DGCR2: variants seen among roughly 807,000 people sequenced by gnomAD.
The protein encoded by DGCR2 is integral membrane protein DGCR2/IDD.
In DGCR2, 24 loss-of-function variants were observed where a neutral mutation model predicts 51.6. That is an observed-to-expected ratio of 0.47 (90% CI 0.34 to 0.65). The LOEUF (loss-of-function observed/expected upper bound fraction) is 0.65, where lower values mean the gene tolerates loss of function less well. DGCR2 is among the 30% of genes least tolerant of loss of function. The pLI, the probability that DGCR2 is intolerant of heterozygous loss-of-function variation, is 0.01. For synonymous variants in DGCR2, 340 were observed against 315.4 expected (o/e 1.08, Z -0.82); for missense variants, 765 against 772.1 (o/e 0.99, Z 0.11).
At chr22:19,067,825 GGCCAGT>G (rs1231969959) in intron 3 of DGCR2, among the ~76,000 whole-genome samples, 4 of 152,186 alleles carry the variant, frequency 2.6e-5, no homozygotes. Context: ...AATTTCCAAG[GGCCAGT>G]GCCTTCTGGC....
chr22:19,103,221 G>A (rs868576471), intron 1 of DGCR2, among the ~76,000 whole-genome samples: 4 of 151,546 alleles, frequency 2.6e-5, no homozygotes, highest in Middle Eastern at 3.2e-3. Context: ...AATTGCCAAA[G>A]GCTGTGGGCA....
At chr22:19,084,044 T>C (rs980810531) in intron 2 of DGCR2, among the ~76,000 whole-genome samples, 19 of 152,020 alleles carry the variant, frequency 1.2e-4, no homozygotes, top group Non-Finnish European at 2.5e-4. Context: ...CAGGCCGAAG[T>C]GCAGTGGCGT....
intron 1 of DGCR2, among the ~76,000 whole-genome samples, chr22:19,098,431 C>T (rs554314415): frequency 6.6e-6 from 1 of 152,270 alleles, no homozygotes; most frequent in Admixed American, 6.5e-5. Context: ...ACCCTGCTGC[C>T]GTGGAGCTAA....
chr22:19,081,479 CA>C (rs1244988542), intron 2 of DGCR2, among the ~76,000 whole-genome samples: 7 of 152,224 alleles, frequency 4.6e-5, no homozygotes, highest in Non-Finnish European at 8.8e-5. Flanking sequence ...ATAAACCTAA[CA>C]TTCACTTACT....
chr22:19,066,834 G>C (rs542445499), intron 3 of DGCR2, among the ~76,000 whole-genome samples: 1 of 152,208 alleles, frequency 6.6e-6, no homozygotes, highest in South Asian at 2.1e-4. Context: ...GACAGGCAAG[G>C]GGAAGGAAGA....
At chr22:19,120,204 C>T (rs1036211326) in intron 1 of DGCR2, among the ~76,000 whole-genome samples, 4 of 152,202 alleles carry the variant, frequency 2.6e-5, no homozygotes, top group Non-Finnish European at 4.4e-5. Context: ...GGGGTAGCTG[C>T]AATGTTCTCA....
intron 5 of DGCR2, among the ~76,000 whole-genome samples, chr22:19,062,711 T>G (rs1361480661): frequency 2.0e-5 from 3 of 151,684 alleles, no homozygotes; most frequent in Non-Finnish European, 4.4e-5. Flanking sequence ...CATGTTTCCT[T>G]TACGTCGTCT....
rs139740863 is a variant in DGCR2, at chr22:19,053,444, C to T, written c.802+3542G>A. On this transcript the variant is annotated intron_variant, in intron 6 of 9. Coordinates refer to ENST00000263196, the MANE Select transcript of DGCR2 (RefSeq NM_005137.3). ...CTGGCAAACCAGCCTCCACCCAGAA[C>T]AACAATGCTGCTAAATACGAAAGCC... Among the ~76,000 whole-genome samples the T allele has an allele frequency of 2.2e-3, 336 of 152,298 alleles. 1 individual carries two copies. The highest frequency in any genetic ancestry group is 0.01 in the Middle Eastern group (3 of 294).
At chr22:19,116,572 G>C (rs1181836772) in intron 1 of DGCR2, among the ~76,000 whole-genome samples, 2 of 152,200 alleles carry the variant, frequency 1.3e-5, no homozygotes, top group African/African-American at 2.4e-5. Flanking sequence ...TGAAAGAAAG[G>C]AAAGAGGACG....
intron 2 of DGCR2, among the ~76,000 whole-genome samples, chr22:19,083,616 T>C (rs1301088177): frequency 6.6e-6 from 1 of 152,022 alleles, no homozygotes. Context: ...TGCAAATTTT[T>C]CTCCCTCAAA....
At chr22:19,048,364 T>C in intron 7 of DGCR2, 76 bp downstream of exon 7, 1 of 1,527,264 alleles carries the variant, frequency 6.5e-7, no homozygotes, top group Non-Finnish European at 9.0e-7. Context: ...TCCTCACCAC[T>C]GAGGAAGCAA....
rs2082936439 is a variant in DGCR2, at chr22:19,081,517, G to A, written c.202+7851C>T. Among the ~76,000 whole-genome samples the A allele has an allele frequency of 2.0e-5, 3 of 152,202 alleles. No individual in the cohort carries two copies. In the South Asian group the frequency reaches 6.2e-4, roughly 31 times the overall value. On this transcript the variant is annotated intron_variant, in intron 2 of 9. Transcript: ENST00000263196. The stretch of plus-strand genomic sequence containing the variant: ...TTGCTGGTGTATAACATTCCATCAT[G>A]TGAGCACAGACATTTGGGTTGTTTC...
chr22:19,102,792 A>G (rs1202198179), intron 1 of DGCR2, among the ~76,000 whole-genome samples: 1 of 152,164 alleles, frequency 6.6e-6, no homozygotes, highest in Non-Finnish European at 1.5e-5. Context: ...GATCGCTTGA[A>G]GCCAGGAGTT....
intron 2 of DGCR2, among the ~76,000 whole-genome samples, chr22:19,080,669 C>T (rs1165228922): frequency 6.6e-6 from 1 of 152,140 alleles, no homozygotes; most frequent in Non-Finnish European, 1.5e-5. Flanking sequence ...GACCTCGTCT[C>T]TACAAAAAAT....
chr22:19,122,162 C>A lies in DGCR2; in HGVS notation c.45G>T (p.Leu15=). 1 of 1,512,144 alleles carries A rather than the reference C, an allele frequency of 6.6e-7. No individual in the cohort carries two copies. The allele number at this position is 1,512,144 out of a possible 1,614,324, so 93.7% of individuals were successfully genotyped here. ...GCGGCTCGGTGACAGTGAGCACGAGCAGGAAGAGCAGCAGGAAGGCGCCGC... is the reference window on the plus strand; with the variant it reads ...GCGGCTCGGTGACAGTGAGCACGAGAAGGAAGAGCAGCAGGAAGGCGCCGC... The part of the protein sequence containing the change: ...ADSGAFLLLF[L]LVLTVTEPLR... The change falls in exon 1 of 10, where the codon CTG becomes CTT. Residue 15 remains leucine, a synonymous_variant. Transcript: ENST00000263196.
intron 2 of DGCR2, among the ~76,000 whole-genome samples, chr22:19,086,347 C>T (rs1436515254): frequency 6.6e-6 from 1 of 151,954 alleles, no homozygotes; most frequent in African/African-American, 2.4e-5. Context: ...GGTGTGGTAG[C>T]AGGCGCCTGT....
chr22:19,039,984 T>C (rs1248854028), intron 9 of DGCR2, among the ~76,000 whole-genome samples: 1 of 152,154 alleles, frequency 6.6e-6, no homozygotes, highest in Admixed American at 6.5e-5. Flanking sequence ...GAGTGCTGGA[T>C]TACAGGTGTG....
intron 2 of DGCR2, among the ~76,000 whole-genome samples, chr22:19,087,239 C>A (rs1392025699): frequency 6.6e-5 from 10 of 152,240 alleles, no homozygotes; most frequent in Non-Finnish European, 1.2e-4. Context: ...ACCAGAGAGG[C>A]TCCCAGACAA....
chr22:19,086,244 G>A (rs936137722), intron 2 of DGCR2, among the ~76,000 whole-genome samples: 5 of 152,054 alleles, frequency 3.3e-5, no homozygotes, highest in African/African-American at 4.8e-5. Flanking sequence ...TTGGGAGGCC[G>A]AGGAGAGCGG....
Sources: gnomAD v4.1 joint callset for allele counts (sites outside exome capture counted in the v4.1 genomes callset) on GRCh38, gnomAD v4.1.1 for gene constraint, MANE v1.5 for transcripts, NCBI Gene and HGNC (gene_info 2026-07-23, HGNC 2026-07-21) for gene names.